The following PTHLH variants were observed in gnomAD, a reference collection of about 807,000 sequenced individuals.
PTHLH encodes parathyroid hormone like hormone, also known as parathyroid hormone-related protein.
In PTHLH, 5 loss-of-function variants were observed where a neutral mutation model predicts 18.6. That is an observed-to-expected ratio of 0.27 (90% confidence interval 0.14 to 0.56). The LOEUF (loss-of-function observed/expected upper bound fraction) is 0.56, where lower values mean the gene tolerates loss of function less well. PTHLH is among the 20% of genes least tolerant of loss of function. The pLI is 0.92. For synonymous variants in PTHLH, 90 were observed against 94.0 expected (o/e 0.96, Z 0.25); for missense variants, 207 against 223.9 (o/e 0.92, Z 0.48).
chr12:27,961,990 G>A (rs200452867), intron 5 of PTHLH: 4 of 693,370 alleles, frequency 5.8e-6, no homozygotes, highest in Non-Finnish European at 1.0e-5. Flanking sequence ...CCCCACAGAA[G>A]TGCTGTACTG....
intron 5 of PTHLH, chr12:27,962,522 T>C: frequency 1.0e-6 from 1 of 984,440 alleles, no homozygotes; most frequent in South Asian, 4.7e-5. Context: ...CCTAAGTTAT[T>C]TGATCCCAAA....
chr12:27,971,404 C>A (rs1283719875), intron 2 of PTHLH, among the ~76,000 whole-genome samples: 1 of 152,014 alleles, frequency 6.6e-6, no homozygotes, highest in Non-Finnish European at 1.5e-5. Flanking sequence ...TTGAAAAGAG[C>A]GCGAGTGGAC....
chr12:27,958,621 C>T (rs2062730456), intron 5 of PTHLH, 53 bp from the exon 6 acceptor site: 2 of 1,477,586 alleles, frequency 1.4e-6, no homozygotes, highest in African/African-American at 2.8e-5. Context: ...GTTTTCTTTA[C>T]AAATGAAAAC....
chr12:27,970,897 C>G (rs26303), intron 2 of PTHLH, among the ~76,000 whole-genome samples: 49,607 of 152,058 alleles, frequency 0.33, 8,439 homozygotes, highest in African/African-American at 0.4. Context: ...TGGGGAGCAT[C>G]GGCTAGAGAG....
intron 4 of PTHLH, among the ~76,000 whole-genome samples, chr12:27,968,738 C>T (rs2062839515): frequency 6.6e-6 from 1 of 152,182 alleles, no homozygotes; most frequent in Non-Finnish European, 1.5e-5. Flanking sequence ...GATTAAAGAA[C>T]TGTTAGCAAT....
In PTHLH at chr12:27,969,413, C is replaced by G; in HGVS notation, c.82G>C (p.Glu28Gln). The G allele has an allele frequency of 1.3e-6, 2 of 1,586,222 alleles. No individual in the cohort carries two copies. The highest frequency in any genetic ancestry group is 1.7e-6 in the Non-Finnish European group (2 of 1,169,098). Residue 28 changes from glutamate to glutamine, a missense_variant, in exon 4 of 6, where the codon GAG becomes CAG. Transcript: ENST00000545234. The stretch of plus-strand genomic sequence containing the variant: ...ACTTACAGGCGGCGGCTGAGACCCT[C>G]CACCGAGCGCCCGCAGGAGGGCACC... ...YAVPSCGRSV[E>Q]GLSRRLKRAV...
intron 4 of PTHLH, among the ~76,000 whole-genome samples, chr12:27,967,165 CAT>C (rs1491457178): frequency 6.6e-6 from 1 of 152,364 alleles, no homozygotes; most frequent in East Asian, 1.9e-4. Context: ...CTAACTTAAA[CAT>C]AGAGATAGCC....
chr12:27,959,210 T>C (rs1304492481), intron 5 of PTHLH, among the ~76,000 whole-genome samples: 1 of 152,234 alleles, frequency 6.6e-6, no homozygotes, highest in Non-Finnish European at 1.5e-5. Flanking sequence ...GAAACTATTA[T>C]TGGATTTTGT....
chr12:27,960,311 C>T (rs1470120629), intron 5 of PTHLH, among the ~76,000 whole-genome samples: 2 of 152,172 alleles, frequency 1.3e-5, no homozygotes, highest in Non-Finnish European at 2.9e-5. Flanking sequence ...CTGGATATCA[C>T]ATTTGAAGCA....
chr12:27,960,309 C>T (rs2062742869), intron 5 of PTHLH, among the ~76,000 whole-genome samples: 1 of 152,178 alleles, frequency 6.6e-6, no homozygotes, highest in African/African-American at 2.4e-5. Context: ...ATCTGGATAT[C>T]ACATTTGAAG....
At position 27,972,020 on chromosome 12, in the gene PTHLH, C is replaced by A. The variant is rs1367482241; in HGVS notation, c.-358-1G>T. ...AATCGTTAGATCTGAAGGGGGAAAT[C>A]TGTAAAAAAAAAAAAAAAAAAAAAA... On this transcript the variant is annotated splice_acceptor_variant, in intron 1 of 5. Transcript: ENST00000545234. LOFTEE classifies it low-confidence loss of function (5UTR_SPLICE). 11 of 63,002 alleles carry A rather than the reference C, an allele frequency of 1.7e-4. No homozygotes were observed. Among genetic ancestry groups the A allele is most frequent in the African/African-American group, 5.5e-4 (7 of 12,832 alleles). The allele number at this position is 63,002 out of a possible 1,614,324, so 3.9% of individuals were successfully genotyped here. A position where few individuals can be genotyped will look rare whatever the true frequency, so the allele number is the denominator to read the frequency against.
intron 4 of PTHLH, among the ~76,000 whole-genome samples, chr12:27,965,171 T>C (rs773859133): frequency 1.2e-4 from 18 of 152,210 alleles, no homozygotes; most frequent in Non-Finnish European, 2.5e-4. Context: ...CTTGCCCTAG[T>C]CTACACAATG....
chr12:27,970,136 G>C lies in PTHLH; in HGVS notation c.-134C>G, dbSNP rs1591853317. 1.9e-6 allele frequency: 1 copy of C among 518,522 alleles called. No homozygotes were observed. The highest frequency in any genetic ancestry group is 5.4e-5 in the East Asian group (1 of 18,350). 32.1% of individuals were successfully genotyped at this position (518,522 alleles called of 1,614,324 possible). On this transcript the variant is annotated 5_prime_UTR_variant, in exon 3 of 6. Transcript: ENST00000545234. ...GGCCAGGTGGCGGCGAGGGCGGGTC[G>C]TTAGTGGCAGCCGGAGCGGCAGGGA...
At chr12:27,960,869 T>A (rs1374557854) in intron 5 of PTHLH, among the ~76,000 whole-genome samples, 6 of 152,170 alleles carry the variant, frequency 3.9e-5, no homozygotes, top group African/African-American at 1.4e-4. Flanking sequence ...TTATCACTTA[T>A]AAAACTTTAG....
intron 4 of PTHLH, among the ~76,000 whole-genome samples, chr12:27,966,953 T>A (rs892174519): frequency 6.6e-6 from 1 of 152,226 alleles, no homozygotes; most frequent in African/African-American, 2.4e-5. Context: ...GGACGGACTC[T>A]GTGTTTGAGA....
At chr12:27,969,929 T>C (rs774450114) in intron 3 of PTHLH, 96 bp downstream of exon 3, 1 of 519,704 alleles carries the variant, frequency 1.9e-6, no homozygotes, top group East Asian at 5.4e-5. Flanking sequence ...GAAGAAAGTT[T>C]CCCCCTCTGA....
intron 5 of PTHLH, 153 bp from the exon 6 acceptor site, chr12:27,958,721 A>G (rs1398786795): frequency 8.9e-6 from 6 of 673,402 alleles, no homozygotes; most frequent in African/African-American, 1.8e-5. Context: ...TGCAAGAGGT[A>G]TCTGTGGGAT....
At chr12:27,969,916 AAAG>A (rs1565525754) in intron 3 of PTHLH, 106 bp downstream of exon 3, 1 of 520,280 alleles carries the variant, frequency 1.9e-6, no homozygotes, top group Non-Finnish European at 3.8e-6. Flanking sequence ...CCGCCTCCTA[AAAG>A]AAGAAAGTTT....
intron 5 of PTHLH, among the ~76,000 whole-genome samples, chr12:27,961,048 C>G (rs1038654772): frequency 4.0e-5 from 6 of 151,796 alleles, no homozygotes; most frequent in Non-Finnish European, 7.4e-5. Flanking sequence ...CCCTCACAAA[C>G]AGGGAAGAGA....
Sources: gnomAD v4.1 joint callset for allele counts (sites outside exome capture counted in the v4.1 genomes callset) on GRCh38, gnomAD v4.1.1 for gene constraint, MANE v1.5 for transcripts, NCBI Gene and HGNC (gene_info 2026-07-23, HGNC 2026-07-21) for gene names.